A2ML1: variants seen among roughly 807,000 people sequenced by gnomAD.
The protein encoded by A2ML1 is alpha-2-macroglobulin-like protein 1.
In A2ML1, 161 loss-of-function variants were observed where a neutral mutation model predicts 181.9. The observed-to-expected ratio is 0.89, with a 90% CI of 0.78 to 1.01. A2ML1 has a LOEUF of 1.01. Ranked by LOEUF, A2ML1 falls within the 50% of genes least tolerant of loss-of-function variation. The pLI, the probability that A2ML1 is intolerant of heterozygous loss-of-function variation, is 0.00. For missense variants in A2ML1, 1,670 were observed against 1,768.1 expected, an observed-to-expected ratio of 0.94 and a Z score of 1.00; for synonymous variants, 663 against 666.8, an observed-to-expected ratio of 0.99 and a Z score of 0.09.
At chr12:8,863,656 A>C (rs1944344417) in intron 28 of A2ML1, 138 bp from the exon 29 acceptor site, 2 of 757,822 alleles carry the variant, frequency 2.6e-6, no homozygotes, top group Non-Finnish European at 4.2e-6. Flanking sequence ...TTAATCAGCT[A>C]AATCTAAGAA....
At chr12:8,845,704 G>A (rs1382819032) in intron 13 of A2ML1, among the ~76,000 whole-genome samples, 2 of 151,870 alleles carry the variant, frequency 1.3e-5, no homozygotes, top group African/African-American at 4.8e-5. Context: ...AAAAAAATTA[G>A]CCGGACGTCG....
At chr12:8,839,284 C>T in intron 10 of A2ML1, 62 bp downstream of exon 10, 2 of 1,204,738 alleles carry the variant, frequency 1.7e-6, no homozygotes, top group Non-Finnish European at 2.4e-6. Context: ...TTGCCTCCTT[C>T]CTGCAGCCAT....
At chr12:8,834,759 C>T in intron 5 of A2ML1, 77 bp downstream of exon 5, 1 of 1,566,026 alleles carries the variant, frequency 6.4e-7, no homozygotes, top group East Asian at 2.2e-5. Flanking sequence ...ACCTTGAAGA[C>T]AGAAGCAACT....
At chr12:8,874,924 A>G in intron 34 of A2ML1, 47 bp from the exon 35 acceptor site, 1 of 1,600,216 alleles carries the variant, frequency 6.2e-7, no homozygotes, top group Non-Finnish European at 8.6e-7. Context: ...TTCCCTCTGA[A>G]TATAGGAGGC....
chr12:8,874,474 T>C lies in A2ML1; in HGVS notation c.4271T>C (p.Leu1424Pro). The stretch of plus-strand genomic sequence containing the variant: ...ACCTTCACCATCAGCCAAAGTGTGC[T>C]GGTCACCAACTTGAAACCAGCAACC... The part of the protein sequence containing the change: ...TYTFTISQSV[L>P]VTNLKPATIK... The change falls in exon 34 of 36, where the codon CTG (leucine) becomes CCG (proline). Residue 1424 changes from leucine (L) to proline (P), a missense_variant. By Grantham distance (98) the Leu-to-Pro change is moderately conservative (BLOSUM62 -3). Coordinates refer to ENST00000299698, the MANE Select transcript of A2ML1 (RefSeq NM_144670.6). The C allele has an allele frequency of 6.2e-7, 1 of 1,614,142 alleles. No individual in the cohort carries two copies. The highest frequency in any genetic ancestry group is 8.5e-7 in the Non-Finnish European group (1 of 1,179,998).
Position 8,861,152 on chromosome 12 carries a change from G to C in A2ML1, c.3357G>C (p.Gln1119His). 6.2e-7 allele frequency: 1 copy of C among 1,614,154 alleles called. No individual in the cohort carries two copies. Among genetic ancestry groups the C allele is most frequent in the Non-Finnish European group, 8.5e-7 (1 of 1,180,042 alleles). Residue 1119 changes from glutamine (Q) to histidine (H), a missense_variant, in exon 28 of 36, where the codon CAG (glutamine) becomes CAC (histidine). Physicochemically the swap from Gln to His is conservative, Grantham distance 24. Coordinates refer to ENST00000299698, the MANE Select transcript of A2ML1 (RefSeq NM_144670.6). ...GKDVDDPMVS[Q>H]GLRCLKNSAT... The stretch of plus-strand genomic sequence containing the variant: ...CTTTTTAGGACCCAATGGTGAGTCA[G>C]GGTCTACGGTGTCTCAAGAATTCGG...
intron 9 of A2ML1, 107 bp from the exon 10 acceptor site, chr12:8,839,006 C>A: frequency 3.2e-6 from 2 of 628,858 alleles, no homozygotes; most frequent in Non-Finnish European, 5.2e-6. Flanking sequence ...GCCAGAAATA[C>A]ATTCAACTTC....
At chr12:8,837,314 TG>T in intron 7 of A2ML1, 125 bp from the exon 8 acceptor site, 1 of 1,291,730 alleles carries the variant, frequency 7.7e-7, no homozygotes, top group Non-Finnish European at 1.1e-6. Flanking sequence ...GCCACTGCAC[TG>T]GCCCAGATTG....
At chr12:8,861,322 T>G in intron 28 of A2ML1, 25 bp downstream of exon 28, 1 of 1,611,990 alleles carries the variant, frequency 6.2e-7, no homozygotes, top group Non-Finnish European at 8.5e-7. Flanking sequence ...TTGAGAGTTC[T>G]TTGAAATTGT....
chr12:8,842,162 A>C (rs1943500991), intron 11 of A2ML1, among the ~76,000 whole-genome samples: 1 of 152,068 alleles, frequency 6.6e-6, no homozygotes, highest in Non-Finnish European at 1.5e-5. Flanking sequence ...ATGAGGTGCA[A>C]GTGCAAAAGC....
At chr12:8,860,832 G>A (rs1195530166) in intron 26 of A2ML1, 49 bp from the exon 27 acceptor site, 5 of 1,522,348 alleles carry the variant, frequency 3.3e-6, no homozygotes, top group Non-Finnish European at 4.6e-6. Context: ...CATAATTCTT[G>A]CAGCTGCTGC....
At position 8,868,371 on chromosome 12, in the gene A2ML1, G is replaced by C; in HGVS notation, c.4061+14G>C. The C allele has an allele frequency of 6.2e-7, 1 of 1,609,062 alleles. No homozygotes were observed. The highest frequency in any genetic ancestry group is 8.5e-7 in the Non-Finnish European group (1 of 1,178,132). The stretch of plus-strand genomic sequence containing the variant: ...TATTCACACCAGGTGATTAAAGCTG[G>C]GGTGCTGGTGGCCGGCAGAGCACCT... On this transcript the variant is annotated intron_variant, in intron 31 of 35. Transcript: ENST00000299698.
rs1387533615 is a variant in A2ML1, at chr12:8,848,833, G to C, written c.1947G>C (p.Met649Ile). The C allele has an allele frequency of 6.2e-7, 1 of 1,614,100 alleles. No individual in the cohort carries two copies. Among genetic ancestry groups the C allele is most frequent in the Admixed American group, 1.7e-5 (1 of 60,010 alleles). The change falls in exon 16 of 36, where the codon ATG (methionine) becomes ATC (isoleucine). Residue 649 changes from methionine (M) to isoleucine (I), a missense_variant. Coordinates refer to ENST00000299698, the MANE Select transcript of A2ML1 (RefSeq NM_144670.6). ...WDFPQPLIDP[M>I]PQGHSSQRSI... Reference sequence around the variant, plus strand: ...TTCCTCAGCCCCTCATTGACCCAATGCCCCAAGGGCATTCGAGCCAGCGTT... The same window carrying C: ...TTCCTCAGCCCCTCATTGACCCAATCCCCCAAGGGCATTCGAGCCAGCGTT...
intron 14 of A2ML1, 105 bp from the exon 15 acceptor site, chr12:8,847,444 G>C: frequency 1.5e-6 from 2 of 1,308,026 alleles, no homozygotes; most frequent in Non-Finnish European, 2.1e-6. Context: ...GAAAGAATGG[G>C]TTGGATGTCA....
At chr12:8,845,232 C>T (rs1943627833) in intron 12 of A2ML1, 1 of 1,531,100 alleles carries the variant, frequency 6.5e-7, no homozygotes, top group Admixed American at 2.0e-5. Flanking sequence ...GGTTCTCAGC[C>T]AGACCTCCAA....
At chr12:8,878,732 G>A (rs11047742), downstream of A2ML1, among the ~76,000 whole-genome samples, 16,763 of 152,236 alleles carry the variant, frequency 0.11, 951 homozygotes, top group South Asian at 0.16. This position sits in a 1 kb window ranked among gnomAD's most constrained non-coding sequence, Gnocchi z 4.4. Context: ...GGTAGTCCAA[G>A]GTGGGTGGAT....
At chr12:8,843,859 C>T (rs1943576311) in intron 12 of A2ML1, among the ~76,000 whole-genome samples, 1 of 151,974 alleles carries the variant, frequency 6.6e-6, no homozygotes. Context: ...GCTGGGACTA[C>T]AGGCGCCCGC....
intron 34 of A2ML1, 77 bp downstream of exon 34, chr12:8,874,604 C>A (rs1944742502): frequency 8.8e-7 from 1 of 1,131,328 alleles, no homozygotes; most frequent in Non-Finnish European, 1.3e-6. Flanking sequence ...TTCTTCATGG[C>A]TTCTCTCTTA....
intron 7 of A2ML1, among the ~76,000 whole-genome samples, chr12:8,886,246 A>G (rs1485058675): frequency 6.6e-6 from 1 of 152,176 alleles, no homozygotes; most frequent in East Asian, 1.9e-4. Flanking sequence ...TGACATCTTT[A>G]TAATATTAAG....
Sources: allele counts gnomAD v4.1 joint callset (sites outside exome capture counted in the v4.1 genomes callset), GRCh38; gene constraint gnomAD v4.1.1; non-coding constraint Gnocchi (gnomAD v3.1); transcripts MANE v1.5; gene names NCBI Gene and HGNC (gene_info 2026-07-23, HGNC 2026-07-21).